Variants in CASP8 observed in about 807,000 individuals in gnomAD.
CASP8 encodes the protein caspase-8.
In CASP8, 24 loss-of-function variants were observed where a neutral mutation model predicts 46.3. The ratio of observed to expected loss-of-function variants is 0.52; its 90% confidence interval spans 0.38 to 0.73. CASP8 has a LOEUF of 0.73. Ranked by LOEUF, CASP8 falls within the 30% of genes least tolerant of loss-of-function variation. The pLI, the probability that CASP8 is intolerant of heterozygous loss-of-function variation, is 0.00. For synonymous variants in CASP8, 188 were observed against 200.4 expected (o/e 0.94, Z 0.52); for missense variants, 460 against 559.0 (o/e 0.82, Z 1.79).
chr2:201,251,216 A>G (rs1028091501), intron 2 of CASP8, among the ~76,000 whole-genome samples: 2 of 152,220 alleles, frequency 1.3e-5, no homozygotes, highest in African/African-American at 4.8e-5. Context: ...AAGCTGGTAT[A>G]AACATTCATG....
At chr2:201,264,717 A>T (rs1429374732) in intron 1 of CASP8, among the ~76,000 whole-genome samples, 2 of 152,290 alleles carry the variant, frequency 1.3e-5, no homozygotes, top group South Asian at 2.1e-4. Context: ...CTGTAGTCTC[A>T]GCTACTCAGC....
At chr2:201,285,444 T>A in intron 8 of CASP8, 127 bp downstream of exon 8, 1 of 1,167,874 alleles carries the variant, frequency 8.6e-7, no homozygotes, top group Non-Finnish European at 1.3e-6. Context: ...CATTAACAGG[T>A]CAGAGAACTG....
At chr2:201,244,815 G>A (rs1312437300) in intron 2 of CASP8, among the ~76,000 whole-genome samples, 1 of 152,164 alleles carries the variant, frequency 6.6e-6, no homozygotes, top group African/African-American at 2.4e-5. Flanking sequence ...AGGAATTGAA[G>A]GGGGTGGGGG....
intron 2 of CASP8, among the ~76,000 whole-genome samples, chr2:201,235,888 T>C (rs1946027490): frequency 6.6e-6 from 1 of 152,266 alleles, no homozygotes; most frequent in Non-Finnish European, 1.5e-5. Flanking sequence ...TGTGTTACAA[T>C]TGCCTACAAT....
intron 2 of CASP8, among the ~76,000 whole-genome samples, chr2:201,252,084 G>T (rs1233953526): frequency 6.6e-6 from 1 of 152,110 alleles, no homozygotes; most frequent in Non-Finnish European, 1.5e-5. Flanking sequence ...TCTCACTGTT[G>T]TTTTAATTTG....
chr2:201,234,949 C>T (rs898129547), intron 2 of CASP8, among the ~76,000 whole-genome samples: 5 of 152,150 alleles, frequency 3.3e-5, no homozygotes, highest in Non-Finnish European at 7.4e-5. Context: ...CTCGTAATAA[C>T]CTTCACATGC....
chr2:201,277,378 A>C (rs941861962), intron 7 of CASP8, among the ~76,000 whole-genome samples: 8 of 152,214 alleles, frequency 5.3e-5, no homozygotes, highest in African/African-American at 1.9e-4. Context: ...GGTTCTTAAC[A>C]GAAATAGCAT....
intron 6 of CASP8, among the ~76,000 whole-genome samples, chr2:201,276,534 G>A (rs1005935149): frequency 4.6e-5 from 7 of 152,202 alleles, no homozygotes; most frequent in African/African-American, 7.2e-5. Flanking sequence ...CTTCTGTATA[G>A]TATGGGAAGC....
rs537865133 is a variant in CASP8 at position 201,266,213 on chromosome 2, C to T, written c.-26-248C>T. Among the ~76,000 whole-genome samples the T allele has an allele frequency of 1.3e-5, 2 of 152,190 alleles. No individual in the cohort carries two copies. The highest frequency in any genetic ancestry group is 1.3e-4 in the Admixed American group (2 of 15,274). ...CAGGCTGGTCTCAAACTCCTGACCTCGTGATCCGCCTGCCTTGGCCTCCCA... is the reference window on the plus strand; with the variant it reads ...CAGGCTGGTCTCAAACTCCTGACCTTGTGATCCGCCTGCCTTGGCCTCCCA... On this transcript the variant is annotated intron_variant, in intron 1 of 8. Coordinates refer to ENST00000673742, the MANE Select transcript of CASP8 (RefSeq NM_001372051.1). This position sits in a 1 kb window ranked among gnomAD's most constrained non-coding sequence, Gnocchi z 5.7.
intron 7 of CASP8, among the ~76,000 whole-genome samples, chr2:201,278,872 G>A (rs1576355909): frequency 6.6e-6 from 1 of 152,122 alleles, no homozygotes; most frequent in African/African-American, 2.4e-5. Context: ...TAGCTCTGAT[G>A]TGCTGACAGG....
At position 201,286,652 on chromosome 2, in the gene CASP8, G is replaced by T; in HGVS notation, c.*58G>T. 1 of 1,499,232 alleles carries T rather than the reference G, an allele frequency of 6.7e-7. No individual in the cohort carries two copies. Among genetic ancestry groups the T allele is most frequent in the Non-Finnish European group, 9.2e-7 (1 of 1,091,218 alleles). The allele number at this position is 1,499,232 out of a possible 1,614,324, so 92.9% of individuals were successfully genotyped here. On this transcript the variant is annotated 3_prime_UTR_variant, in exon 9 of 9. Coordinates refer to ENST00000673742, the MANE Select transcript of CASP8 (RefSeq NM_001372051.1). ...TTTTTTTGAGACAGAATCTCGCTCT[G>T]TCGCCCAGGCTGGAGTGCAGTGGCG... is the stretch of plus-strand genomic sequence containing the variant.
chr2:201,252,921 A>C (rs2125008940), intron 2 of CASP8, among the ~76,000 whole-genome samples: 1 of 152,316 alleles, frequency 6.6e-6, no homozygotes, highest in East Asian at 1.9e-4. Flanking sequence ...AATTTTCTTT[A>C]CAGAAAGTGA....
chr2:201,270,037 C>T (rs780839919), intron 2 of CASP8, among the ~76,000 whole-genome samples: 6 of 152,110 alleles, frequency 3.9e-5, no homozygotes, highest in South Asian at 2.1e-4. Flanking sequence ...TCTGTTTCTA[C>T]GCCATTTTTA....
chr2:201,284,360 C>T (rs1485277153), intron 7 of CASP8, among the ~76,000 whole-genome samples: 3 of 77,040 alleles, frequency 3.9e-5, no homozygotes, highest in East Asian at 4.1e-4. Context: ...GCCGAGATCA[C>T]GCCACTGCAC....
chr2:201,267,604 C>T (rs774388738), intron 2 of CASP8, among the ~76,000 whole-genome samples: 1 of 152,138 alleles, frequency 6.6e-6, no homozygotes, highest in Admixed American at 6.5e-5. Flanking sequence ...AGAGAGAAAC[C>T]CCATTCAGTT....
intron 2 of CASP8, among the ~76,000 whole-genome samples, chr2:201,239,719 A>G (rs1946221408): frequency 6.6e-6 from 1 of 152,000 alleles, no homozygotes; most frequent in Non-Finnish European, 1.5e-5. Flanking sequence ...TCAAGCAAGG[A>G]GCTCCTCCCT....
At chr2:201,269,603 A>G in intron 2 of CASP8, 5 of 1,608,806 alleles carry the variant, frequency 3.1e-6, no homozygotes, top group Non-Finnish European at 4.3e-6. Context: ...ATCTATTAAT[A>G]AGGCAGGATC....
rs373232880 is a variant in CASP8 at position 201,269,606 on chromosome 2, G to A, written c.306-1910G>A. ...GGAGGGTCGATCATCTATTAATAAG[G>A]CAGGATCTCTCTTAAAATCTTTAAT... On this transcript the variant is annotated intron_variant, in intron 2 of 8. Transcript: ENST00000673742. 59 of 1,606,142 alleles carry A rather than the reference G, an allele frequency of 3.7e-5. No individual in the cohort carries two copies. Among genetic ancestry groups the A allele is most frequent in the East Asian group, 6.7e-5 (3 of 44,838 alleles).
rs1948253453 is a variant in CASP8 at position 201,271,629 on chromosome 2, CT to C, written c.411+9del. 6.7e-7 allele frequency: 1 copy of C among 1,491,662 alleles called. No individual in the cohort carries two copies. The allele number at this position is 1,491,662 out of a possible 1,614,324, so 92.4% of individuals were successfully genotyped here. On this transcript the variant is annotated intron_variant, in intron 3 of 8. Coordinates refer to ENST00000673742, the MANE Select transcript of CASP8 (RefSeq NM_001372051.1). ...AAACTGGATGATGACATGGTAAGACCTGGTATCTTACTGAGATTTAGTCCTG... is the reference window on the plus strand; with the variant it reads ...AAACTGGATGATGACATGGTAAGACCGGTATCTTACTGAGATTTAGTCCTG...
Sources: allele counts gnomAD v4.1 joint callset (sites outside exome capture counted in the v4.1 genomes callset), GRCh38; gene constraint gnomAD v4.1.1; non-coding constraint Gnocchi (gnomAD v3.1); transcripts MANE v1.5; gene names NCBI Gene and HGNC (gene_info 2026-07-23, HGNC 2026-07-21).